NPAS3: variants seen among roughly 807,000 people sequenced by gnomAD.
NPAS3 encodes the protein neuronal PAS domain protein 3.
Under a neutral mutation model 73.1 loss-of-function variants are expected in NPAS3, and 14 were observed. The observed-to-expected ratio is 0.19, with a 90% CI of 0.13 to 0.30. NPAS3 has a LOEUF of 0.30. Among genes scored for constraint, NPAS3 ranks in the 10% least tolerant of loss-of-function variants. NPAS3 has a pLI of 1.00. For missense variants in NPAS3, 1,096 were observed against 1,250.0 expected (o/e 0.88, Z 1.86); for synonymous variants, 620 against 541.5 (o/e 1.14, Z -2.01).
intron 1 of NPAS3, among the ~76,000 whole-genome samples, chr14:32,983,376 G>A (rs1015446406): frequency 6.6e-6 from 1 of 152,062 alleles, no homozygotes; most frequent in Non-Finnish European, 1.5e-5. Flanking sequence ...GAATGATTTA[G>A]TACATTAAAT....
At chr14:33,143,544 CTAT>C (rs1319544994) in intron 2 of NPAS3, among the ~76,000 whole-genome samples, 1 of 152,022 alleles carries the variant, frequency 6.6e-6, no homozygotes, top group African/African-American at 2.4e-5. Flanking sequence ...TTCATAAAAC[CTAT>C]TATTGTTTGC....
At chr14:33,425,256 G>T (rs2048508829) in intron 4 of NPAS3, among the ~76,000 whole-genome samples, 1 of 151,976 alleles carries the variant, frequency 6.6e-6, no homozygotes, top group East Asian at 1.9e-4. Context: ...TAAGGAGATG[G>T]AGGGCACTTA....
chr14:33,555,950 C>G (rs2055338307), intron 4 of NPAS3, among the ~76,000 whole-genome samples: 1 of 151,420 alleles, frequency 6.6e-6, no homozygotes, highest in Non-Finnish European at 1.5e-5. Flanking sequence ...ACTAATTTAA[C>G]TAGTTGTTTT....
intron 2 of NPAS3, among the ~76,000 whole-genome samples, chr14:33,123,236 C>T (rs765210757): frequency 4.6e-5 from 7 of 151,870 alleles, no homozygotes; most frequent in South Asian, 4.2e-4. Context: ...TAGATCATCA[C>T]GGGAGACATT....
intron 4 of NPAS3, among the ~76,000 whole-genome samples, chr14:33,478,007 T>C (rs1361255235): frequency 6.6e-6 from 1 of 152,126 alleles, no homozygotes; most frequent in Non-Finnish European, 1.5e-5. Context: ...TGCTATTATG[T>C]GGGCATGTGG....
At chr14:33,353,461 T>C (rs1045726692) in intron 3 of NPAS3, among the ~76,000 whole-genome samples, 1 of 152,192 alleles carries the variant, frequency 6.6e-6, no homozygotes, top group Admixed American at 6.5e-5. Flanking sequence ...GGAGAACTTT[T>C]GCCATGGCAA....
At chr14:33,446,151 G>T (rs1280124863) in intron 4 of NPAS3, among the ~76,000 whole-genome samples, 1 of 148,372 alleles carries the variant, frequency 6.7e-6, no homozygotes, top group Admixed American at 6.7e-5. Context: ...CTTCTCTAGG[G>T]ACACTTCATG....
At chr14:33,005,283 G>C (rs1417129920) in intron 1 of NPAS3, among the ~76,000 whole-genome samples, 11 of 152,140 alleles carry the variant, frequency 7.2e-5, no homozygotes, top group African/African-American at 2.7e-4. Flanking sequence ...AATGTCAGTA[G>C]GTGATAGGAA....
chr14:33,527,903 G>GAAGGAACACATTCCTTCCATTTCAACAC (rs2053873377), intron 4 of NPAS3, among the ~76,000 whole-genome samples: 4 of 152,050 alleles, frequency 2.6e-5, no homozygotes, highest in Admixed American at 6.6e-5. Flanking sequence ...TGTTTCAACA[G>GAAGGAACACATTCCTTCCATTTCAACAC]AAGGAACACA....
intron 1 of NPAS3, among the ~76,000 whole-genome samples, chr14:32,951,639 G>T (rs533386281): frequency 4.7e-4 from 71 of 152,180 alleles, no homozygotes; most frequent in African/African-American, 1.6e-3. Context: ...AAGAACTCTG[G>T]AAATATTGGA....
chr14:33,566,233 C>T (rs528707855), intron 5 of NPAS3, among the ~76,000 whole-genome samples: 7 of 151,672 alleles, frequency 4.6e-5, no homozygotes, highest in Non-Finnish European at 7.4e-5. Context: ...TTTTCCCCCC[C>T]GAAAATGACT....
chr14:32,952,822 G>C (rs2036534419), intron 1 of NPAS3, among the ~76,000 whole-genome samples: 1 of 152,042 alleles, frequency 6.6e-6, no homozygotes, highest in Non-Finnish European at 1.5e-5. Context: ...TGTAATCCCA[G>C]CACTGTAATC....
At chr14:33,393,011 CTT>C (rs2047073974) in intron 4 of NPAS3, among the ~76,000 whole-genome samples, 1 of 152,094 alleles carries the variant, frequency 6.6e-6, no homozygotes, top group South Asian at 2.1e-4. Flanking sequence ...CCATGACCCT[CTT>C]TTGTGATACT....
At chr14:33,222,389 A>G (rs2047464617) in intron 3 of NPAS3, among the ~76,000 whole-genome samples, 1 of 152,138 alleles carries the variant, frequency 6.6e-6, no homozygotes, top group Admixed American at 6.6e-5. Flanking sequence ...CAGCTTGTCA[A>G]AATGCCATAC....
intron 2 of NPAS3, among the ~76,000 whole-genome samples, chr14:33,187,799 C>A (rs1165555898): frequency 6.6e-6 from 1 of 151,898 alleles, no homozygotes; most frequent in Admixed American, 6.6e-5. Flanking sequence ...TTATGCTGGG[C>A]AGTTTTCTAG....
chr14:33,000,420 C>T (rs1377450586), intron 1 of NPAS3, among the ~76,000 whole-genome samples: 1 of 152,134 alleles, frequency 6.6e-6, no homozygotes, highest in Non-Finnish European at 1.5e-5. Flanking sequence ...CAGCTCACTC[C>T]CTGATGTGCT....
intron 7 of NPAS3, among the ~76,000 whole-genome samples, chr14:33,759,767 G>T (rs1210875876): frequency 2.0e-5 from 3 of 152,172 alleles, no homozygotes; most frequent in African/African-American, 7.2e-5. Context: ...ACTGAGTAGC[G>T]TGTTTTACCA....
intron 2 of NPAS3, among the ~76,000 whole-genome samples, chr14:33,078,455 T>G (rs1313164002): frequency 6.6e-6 from 1 of 151,848 alleles, no homozygotes; most frequent in Non-Finnish European, 1.5e-5. Flanking sequence ...TACATCACCA[T>G]CTATGGTAAT....
intron 1 of NPAS3, among the ~76,000 whole-genome samples, chr14:33,002,799 T>C (rs897955228): frequency 1.3e-5 from 2 of 152,236 alleles, no homozygotes; most frequent in Admixed American, 1.3e-4. Flanking sequence ...AAACAGGATT[T>C]CAGATGCAGA....
Sources: gnomAD v4.1 joint callset for allele counts (sites outside exome capture counted in the v4.1 genomes callset) on GRCh38, gnomAD v4.1.1 for gene constraint, MANE v1.5 for transcripts, NCBI Gene and HGNC (gene_info 2026-07-23, HGNC 2026-07-21) for gene names.